Variants in TRDN observed in about 807,000 individuals in gnomAD.
The protein encoded by TRDN is triadin in skeletal muscle.
TRDN carries 161 observed loss-of-function variants against 149.7 expected under a neutral mutation model. The ratio of observed to expected loss-of-function variants is 1.08; its 90% CI spans 0.95 to 1.23. TRDN has a LOEUF of 1.23. TRDN is among the 50% of genes most tolerant of loss of function. The probability of loss-of-function intolerance (pLI) is 0.00; values close to 1 mark genes in which losing one functional copy is unlikely to be tolerated. For missense variants in TRDN, 896 were observed against 823.5 expected, an observed-to-expected ratio of 1.09 and a Z score of -1.08; for synonymous variants, 294 against 250.5, an observed-to-expected ratio of 1.17 and a Z score of -1.64.
chr6:123,514,414 T>G (rs1406480192), intron 6 of TRDN, among the ~76,000 whole-genome samples: 1 of 152,106 alleles, frequency 6.6e-6, no homozygotes, highest in Admixed American at 6.6e-5. Context: ...TTGAATTAAT[T>G]CTTGAATGAA....
chr6:123,295,039 A>G (rs1166499198), intron 24 of TRDN, among the ~76,000 whole-genome samples: 1 of 152,166 alleles, frequency 6.6e-6, no homozygotes. Flanking sequence ...GGAAGGAGGC[A>G]GGACTTGACT....
At chr6:123,365,463 C>A (rs1781059334) in intron 20 of TRDN, among the ~76,000 whole-genome samples, 3 of 152,078 alleles carry the variant, frequency 2.0e-5, no homozygotes, top group Admixed American at 2.0e-4. Context: ...TATCTACCTA[C>A]AATCCTGTTA....
At chr6:123,221,374 G>C in intron 40 of TRDN, 113 bp downstream of exon 40, 1 of 557,788 alleles carries the variant, frequency 1.8e-6, no homozygotes, top group Non-Finnish European at 3.0e-6. Context: ...TCATGTCTAT[G>C]CTAAAAAATT....
At chr6:123,476,907 A>G (rs1410238274) in intron 9 of TRDN, among the ~76,000 whole-genome samples, 2 of 151,422 alleles carry the variant, frequency 1.3e-5, no homozygotes, top group African/African-American at 4.9e-5. Flanking sequence ...ACAAAAATCA[A>G]TTCAAGATGG....
At chr6:123,480,277 A>G (rs1349278511) in intron 9 of TRDN, among the ~76,000 whole-genome samples, 1 of 151,564 alleles carries the variant, frequency 6.6e-6, no homozygotes, top group Non-Finnish European at 1.5e-5. Context: ...AATGACTTTC[A>G]AGAAAAAACA....
At chr6:123,387,284 A>G (rs180933659) in intron 14 of TRDN, among the ~76,000 whole-genome samples, 22 of 152,298 alleles carry the variant, frequency 1.4e-4, no homozygotes, top group African/African-American at 5.3e-4. Flanking sequence ...CATTTTAAAA[A>G]AATTAAAGCT....
At chr6:123,351,956 G>A (rs1182610785) in intron 21 of TRDN, 2 of 978,168 alleles carry the variant, frequency 2.0e-6, no homozygotes, top group African/African-American at 1.8e-5. Flanking sequence ...ATCTATTTAT[G>A]ATATAACTAC....
At position 123,451,181 on chromosome 6, in the gene TRDN, C is replaced by T. The variant is rs546888110; in HGVS notation, c.932-12178G>A. Among the ~76,000 whole-genome samples the T allele has an allele frequency of 2.0e-5, 3 of 152,006 alleles. No individual in the cohort carries two copies. In the South Asian group the frequency reaches 6.2e-4, roughly 32 times the overall value. ...CAAAAATTGACTTCTAAGGTCACAC[C>T]TCATAGAACTAGAGAAACAAGAGCA... On this transcript the variant is annotated intron_variant, in intron 10 of 40. Coordinates refer to ENST00000334268, the MANE Select transcript of TRDN (RefSeq NM_006073.4).
At chr6:123,239,988 A>G (rs1195062666) in intron 38 of TRDN, among the ~76,000 whole-genome samples, 1 of 152,032 alleles carries the variant, frequency 6.6e-6, no homozygotes, top group African/African-American at 2.4e-5. Flanking sequence ...ATACTGATAA[A>G]TCTGAGAAGC....
At chr6:123,446,966 C>T (rs753652097) in intron 10 of TRDN, among the ~76,000 whole-genome samples, 26 of 151,964 alleles carry the variant, frequency 1.7e-4, no homozygotes, top group Admixed American at 2.0e-4. Flanking sequence ...CTGGAAGGCA[C>T]GCAACTTTAT....
In TRDN at chr6:123,571,107, C is replaced by G; in HGVS notation, c.48G>C (p.Val16=). 6.2e-7 allele frequency: 1 copy of G among 1,613,900 alleles called. No individual in the cohort carries two copies. Among genetic ancestry groups the G allele is most frequent in the Admixed American group, 1.7e-5 (1 of 60,016 alleles). ...GCACAGATCCATTTTTGCTGTCTAT[C>G]ACAGTTGTGGTTGTAGATGCATTTC... ...AEGNASTTTT[V]IDSKNGSVPK... Residue 16 remains valine, a synonymous_variant, in exon 2 of 41, where the codon GTG becomes GTC. Transcript: ENST00000334268.
At chr6:123,586,603 T>A (rs866694385) in intron 1 of TRDN, among the ~76,000 whole-genome samples, 3 of 152,300 alleles carry the variant, frequency 2.0e-5, no homozygotes, top group Middle Eastern at 3.4e-3. Flanking sequence ...TCTGGCTATT[T>A]GGAACTACTG....
At chr6:123,580,691 C>T (rs1055853779) in intron 1 of TRDN, among the ~76,000 whole-genome samples, 1 of 152,104 alleles carries the variant, frequency 6.6e-6, no homozygotes, top group Non-Finnish European at 1.5e-5. Context: ...CTGCCTATCA[C>T]CAATCAAATA....
chr6:123,446,359 A>C (rs946855843), intron 10 of TRDN, among the ~76,000 whole-genome samples: 2 of 152,116 alleles, frequency 1.3e-5, no homozygotes, highest in African/African-American at 4.8e-5. Context: ...CACAATGTGC[A>C]CGTGTACCCT....
rs911579016 is a variant in TRDN, at chr6:123,502,306, A to G, written c.793+1413T>C. ...TACCAAAATATTTCATTAATGACAT[A>G]ATTTTGATGGAAGTAATAATTAACT... is the stretch of plus-strand genomic sequence containing the variant. On this transcript the variant is annotated intron_variant, in intron 8 of 40. Transcript: ENST00000334268. 4 of 846,412 alleles carry G rather than the reference A, an allele frequency of 4.7e-6. No individual in the cohort carries two copies. The African/African-American group carries it at 7.3e-5, about 15-fold the overall frequency. 52.4% of individuals were successfully genotyped at this position (846,412 alleles called of 1,614,324 possible).
At chr6:123,278,487 T>G in intron 25 of TRDN, 140 bp from the exon 26 acceptor site, 1 of 509,034 alleles carries the variant, frequency 2.0e-6, no homozygotes. Context: ...GAAAAGTTCA[T>G]GTCATATTAA....
intron 22 of TRDN, among the ~76,000 whole-genome samples, chr6:123,332,474 A>T (rs1779695834): frequency 6.6e-6 from 1 of 152,050 alleles, no homozygotes; most frequent in Non-Finnish European, 1.5e-5. Context: ...CTTCAAAATG[A>T]AGGCCTTGGT....
chr6:123,371,193 G>A (rs1341777145), intron 19 of TRDN, among the ~76,000 whole-genome samples: 5 of 151,838 alleles, frequency 3.3e-5, no homozygotes, highest in Non-Finnish European at 7.4e-5. Context: ...TTTGCCTTTA[G>A]TATTTAAGTT....
chr6:123,415,114 A>G (rs1235997573), intron 12 of TRDN, among the ~76,000 whole-genome samples: 3 of 152,174 alleles, frequency 2.0e-5, no homozygotes, highest in Non-Finnish European at 4.4e-5. Flanking sequence ...CTTCTTGGTA[A>G]TATAAATGTA....
Sources: allele counts gnomAD v4.1 joint callset (sites outside exome capture counted in the v4.1 genomes callset), GRCh38; gene constraint gnomAD v4.1.1; transcripts MANE v1.5; gene names NCBI Gene and HGNC (gene_info 2026-07-23, HGNC 2026-07-21).